CD9: variants seen among roughly 807,000 people sequenced by gnomAD.
The protein encoded by CD9 is CD9 antigen.
Under a neutral mutation model 31.4 loss-of-function variants are expected in CD9, and 10 were observed. The observed-to-expected ratio is 0.32, with a 90% CI of 0.20 to 0.54. The LOEUF is 0.54. CD9 is among the 20% of genes least tolerant of loss of function. The probability of loss-of-function intolerance (pLI) is 0.94; values close to 1 mark genes in which losing one functional copy is unlikely to be tolerated. For missense variants in CD9, 259 were observed against 300.1 expected (o/e 0.86, Z 1.01); for synonymous variants, 113 against 114.1 (o/e 0.99, Z 0.06).
At chr12:6,210,499 A>T (rs1007441673) in intron 1 of CD9, among the ~76,000 whole-genome samples, 2 of 152,134 alleles carry the variant, frequency 1.3e-5, no homozygotes, top group Non-Finnish European at 2.9e-5. Context: ...CACTGCCCCC[A>T]AGCGAGGCCA....
intron 2 of CD9, among the ~76,000 whole-genome samples, chr12:6,231,384 C>G (rs189406910): frequency 2.0e-5 from 3 of 152,168 alleles, no homozygotes; most frequent in Admixed American, 1.3e-4. Context: ...AAGTGGCTTC[C>G]CCAGAGTCAC....
intron 4 of CD9, among the ~76,000 whole-genome samples, chr12:6,233,746 C>T (rs1007196064): frequency 6.6e-6 from 1 of 152,044 alleles, no homozygotes; most frequent in African/African-American, 2.4e-5. Flanking sequence ...TGGGCCTGTG[C>T]GTGTGTCTGT....
intron 1 of CD9, chr12:6,200,789 C>T (rs992671619): frequency 2.3e-6 from 1 of 443,032 alleles, no homozygotes; most frequent in Non-Finnish European, 4.0e-6. Flanking sequence ...CATCACCGCC[C>T]AGCCGGCGTG....
chr12:6,214,751 G>C (rs562927196), intron 1 of CD9, among the ~76,000 whole-genome samples: 1 of 152,084 alleles, frequency 6.6e-6, no homozygotes, highest in African/African-American at 2.4e-5. Flanking sequence ...GAGCACAGCC[G>C]GCTGCAGAAT....
chr12:6,209,832 G>A (rs1300228266), intron 1 of CD9, among the ~76,000 whole-genome samples: 2 of 151,926 alleles, frequency 1.3e-5, no homozygotes, highest in Non-Finnish European at 2.9e-5. Context: ...TTACAGGCAT[G>A]TACCACCATG....
chr12:6,211,297 A>G (rs1309993802), intron 1 of CD9, among the ~76,000 whole-genome samples: 2 of 152,216 alleles, frequency 1.3e-5, no homozygotes, highest in African/African-American at 4.8e-5. Context: ...GCTGCTAGTA[A>G]TTAGGTGACC....
chr12:6,225,390 G>A (rs756084333), intron 1 of CD9, 36 bp from the exon 2 acceptor site: 4 of 1,413,630 alleles, frequency 2.8e-6, no homozygotes, highest in South Asian at 2.3e-5. Context: ...GTTGCTGGCA[G>A]CCAGAATTAA....
chr12:6,209,126 G>T (rs893630067), intron 1 of CD9, among the ~76,000 whole-genome samples: 1 of 152,032 alleles, frequency 6.6e-6, no homozygotes, highest in African/African-American at 2.4e-5. Flanking sequence ...ATGCCACCAC[G>T]CCCAGCTAAT....
intron 1 of CD9, among the ~76,000 whole-genome samples, chr12:6,210,268 G>A (rs1217167184): frequency 6.6e-6 from 1 of 152,222 alleles, no homozygotes; most frequent in African/African-American, 2.4e-5. Context: ...CTGCGGTCCC[G>A]TCTATGGACA....
chr12:6,213,337 G>C (rs759815547), intron 1 of CD9, among the ~76,000 whole-genome samples: 2 of 152,138 alleles, frequency 1.3e-5, no homozygotes, highest in African/African-American at 4.8e-5. Flanking sequence ...TCTCGAACAC[G>C]AATTGGAGGA....
chr12:6,212,527 T>C (rs537926853), intron 1 of CD9, among the ~76,000 whole-genome samples: 1 of 152,284 alleles, frequency 6.6e-6, no homozygotes, highest in African/African-American at 2.4e-5. Flanking sequence ...GCTGTAGCTG[T>C]CTAGGGCCAC....
chr12:6,200,818 A>G, intron 1 of CD9: 1 of 427,202 alleles, frequency 2.3e-6, no homozygotes, highest in Non-Finnish European at 4.1e-6. Flanking sequence ...GGCCCTCTTG[A>G]GATGAGGCGT....
chr12:6,218,178 T>G (rs1946260564), intron 1 of CD9, among the ~76,000 whole-genome samples: 1 of 151,506 alleles, frequency 6.6e-6, no homozygotes, highest in Non-Finnish European at 1.5e-5. Context: ...CAGTGAGCCA[T>G]GGTCATACCA....
At position 6,232,532 on chromosome 12, in the gene CD9, G is replaced by C. The variant is rs1271888340; in HGVS notation, c.176-100G>C. On this transcript the variant is annotated intron_variant, in intron 2 of 7. Coordinates refer to ENST00000009180, the MANE Select transcript of CD9 (RefSeq NM_001769.4). The surrounding 1 kb of genome is among the most constrained non-coding windows in gnomAD (Gnocchi z 4.8). ...TGAGATGAGGGGAATAAGGAGGTGG[G>C]GAGGCAGGAGTTAGGCAGAGGGAAA... 1.3e-6 allele frequency: 1 copy of C among 746,770 alleles called. No homozygotes were observed. Among genetic ancestry groups the C allele is most frequent in the Admixed American group, 2.0e-5 (1 of 49,850 alleles). The allele number at this position is 746,770 out of a possible 1,614,324, so 46.3% of individuals were successfully genotyped here. A position where few individuals can be genotyped will look rare whatever the true frequency, so the allele number is the denominator to read the frequency against.
intron 7 of CD9, among the ~76,000 whole-genome samples, chr12:6,237,505 A>G (rs147546694): frequency 9.3e-4 from 141 of 152,332 alleles, no homozygotes; most frequent in African/African-American, 3.3e-3. Flanking sequence ...CTCTGAGCTT[A>G]CTTTCCCACC....
At chr12:6,227,205 AT>A (rs375025117) in intron 2 of CD9, among the ~76,000 whole-genome samples, 3 of 148,562 alleles carry the variant, frequency 2.0e-5, no homozygotes, top group Non-Finnish European at 3.0e-5. Flanking sequence ...TATTTTTTTT[AT>A]TTTTTTTTTG....
At chr12:6,226,920 T>C (rs970459183) in intron 2 of CD9, among the ~76,000 whole-genome samples, 32 of 152,282 alleles carry the variant, frequency 2.1e-4, no homozygotes, top group Admixed American at 5.9e-4. Context: ...CCACGCCGTG[T>C]TCCAGAAGGG....
chr12:6,232,819 AG>A lies in CD9; in HGVS notation c.273+95del. The A allele has an allele frequency of 1.1e-6, 1 of 882,896 alleles. No individual in the cohort carries two copies. The highest frequency in any genetic ancestry group is 1.8e-6 in the Non-Finnish European group (1 of 550,898). 54.7% of individuals were successfully genotyped at this position (882,896 alleles called of 1,614,324 possible). On this transcript the variant is annotated intron_variant, in intron 3 of 7. Transcript: ENST00000009180. The surrounding 1 kb of genome is among the most constrained non-coding windows in gnomAD (Gnocchi z 4.8). ...CAGACCCAGACCACAGAACAGATGGAGGGGGATGGGGTCAGGAAGGTACCCA... is the reference window on the plus strand; with the variant it reads ...CAGACCCAGACCACAGAACAGATGGAGGGGATGGGGTCAGGAAGGTACCCA...
intron 1 of CD9, among the ~76,000 whole-genome samples, chr12:6,221,661 C>G (rs954002822): frequency 1.3e-5 from 2 of 151,902 alleles, no homozygotes; most frequent in Admixed American, 6.6e-5. Context: ...CTGGCCCCTC[C>G]CATTTAGTTT....
Sources: gnomAD v4.1 joint callset for allele counts (sites outside exome capture counted in the v4.1 genomes callset) on GRCh38, gnomAD v4.1.1 for gene constraint, Gnocchi (gnomAD v3.1) non-coding constraint, MANE v1.5 for transcripts, NCBI Gene and HGNC (gene_info 2026-07-23, HGNC 2026-07-21) for gene names.